NOSTRIN: variants seen among roughly 807,000 people sequenced by gnomAD.
NOSTRIN encodes the protein BM247 homolog.
A neutral mutation model predicts 59.0 loss-of-function variants in NOSTRIN; 63 were observed. The observed-to-expected ratio is 1.07, with a 90% CI of 0.87 to 1.32. The LOEUF (loss-of-function observed/expected upper bound fraction) is 1.32. Ranked by LOEUF, NOSTRIN falls within the 40% of genes most tolerant of loss-of-function variation. NOSTRIN has a pLI of 0.00. For synonymous variants in NOSTRIN, 200 were observed against 165.4 expected (o/e 1.21, Z -1.61); for missense variants, 512 against 473.1 (o/e 1.08, Z -0.76).
At position 168,848,803 on chromosome 2, in the gene NOSTRIN, CGTT is replaced by C. The variant is rs553209979; in HGVS notation, c.631-2277_631-2275del. On this transcript the variant is annotated intron_variant, in intron 8 of 15. Transcript: ENST00000317647. ...ATGCAGAGCGTAGGAAATGAGAAGTCGTTGTTTCATGGGTACGGTTTACTTTTG... is the reference window on the plus strand; with the variant it reads ...ATGCAGAGCGTAGGAAATGAGAAGTCGTTTCATGGGTACGGTTTACTTTTG... 3.9e-4 allele frequency among the ~76,000 whole-genome samples: 60 copies of C among 152,074 alleles called. 1 individual carries two copies. The highest frequency in any genetic ancestry group is 1.1e-3 in the African/African-American group (46 of 41,488).
intron 2 of NOSTRIN, among the ~76,000 whole-genome samples, chr2:168,813,245 G>A (rs1445279918): frequency 1.3e-5 from 2 of 152,190 alleles, no homozygotes; most frequent in African/African-American, 4.8e-5. Flanking sequence ...AAGAATCTAT[G>A]CATGTATCAG....
chr2:168,863,583 C>A (rs1412553793), intron 15 of NOSTRIN: 3 of 984,890 alleles, frequency 3.0e-6, no homozygotes, highest in African/African-American at 1.7e-5. Flanking sequence ...AAAATATTGT[C>A]TCCAAATTGA....
intron 15 of NOSTRIN, 119 bp downstream of exon 15, chr2:168,862,168 T>C (rs1406941641): frequency 2.5e-6 from 2 of 813,976 alleles, no homozygotes; most frequent in Non-Finnish European, 4.0e-6. Flanking sequence ...CAGTTCACCC[T>C]TCTTGAAAGA....
intron 7 of NOSTRIN, among the ~76,000 whole-genome samples, 182 bp downstream of exon 7, chr2:168,834,507 G>GCGCACACACACACACACACA (rs756381301): frequency 1.8e-4 from 22 of 125,422 alleles, no homozygotes; most frequent in Non-Finnish European, 2.8e-4. Context: ...GCGCGCGCGC[G>GCGCACACACACACACACACA]CACACACACA....
chr2:168,809,876 C>T (rs1437470007), intron 1 of NOSTRIN, among the ~76,000 whole-genome samples: 1 of 151,816 alleles, frequency 6.6e-6, no homozygotes, highest in Non-Finnish European at 1.5e-5. Flanking sequence ...ATTATTTTTC[C>T]TTCATGAGAG....
At chr2:168,817,215 A>C (rs567435374) in intron 2 of NOSTRIN, among the ~76,000 whole-genome samples, 52 of 152,344 alleles carry the variant, frequency 3.4e-4, no homozygotes, top group Non-Finnish European at 4.0e-4. Flanking sequence ...GGGTATCCCC[A>C]AGTGGATAGG....
chr2:168,850,769 C>G (rs890227783), intron 8 of NOSTRIN: 1 of 627,718 alleles, frequency 1.6e-6, no homozygotes, highest in East Asian at 3.1e-5. Flanking sequence ...CTGGAATTCT[C>G]TGGAATCCAT....
chr2:168,851,553 T>C, intron 10 of NOSTRIN, 149 bp downstream of exon 10: 1 of 1,247,684 alleles, frequency 8.0e-7, no homozygotes, highest in Non-Finnish European at 1.1e-6. Context: ...CCCAGCATTC[T>C]AGTTTACAAA....
intron 7 of NOSTRIN, 100 bp from the exon 8 acceptor site, chr2:168,842,892 G>A: frequency 1.3e-6 from 1 of 776,874 alleles, no homozygotes; most frequent in South Asian, 1.7e-5. Context: ...CGTGAGAGGT[G>A]AGAAACATAT....
upstream of NOSTRIN, among the ~76,000 whole-genome samples, chr2:168,793,880 T>C (rs1304050777): frequency 6.6e-6 from 1 of 152,202 alleles, no homozygotes; most frequent in Non-Finnish European, 1.5e-5. Context: ...AGCTGATACA[T>C]GCATATCAAG....
chr2:168,799,917 AG>A (rs1685571009), upstream of NOSTRIN, among the ~76,000 whole-genome samples: 1 of 152,186 alleles, frequency 6.6e-6, no homozygotes, highest in Admixed American at 6.5e-5. Flanking sequence ...TGGGACACTA[AG>A]TTCCTCCTAT....
intron 3 of NOSTRIN, among the ~76,000 whole-genome samples, chr2:168,827,820 C>G (rs1687136187): frequency 6.6e-6 from 1 of 151,894 alleles, no homozygotes. Context: ...GTGATCATCC[C>G]ACCTCAGCCT....
intron 7 of NOSTRIN, among the ~76,000 whole-genome samples, chr2:168,838,405 A>T (rs1687864367): frequency 6.6e-6 from 1 of 152,124 alleles, no homozygotes; most frequent in Non-Finnish European, 1.5e-5. Context: ...ACATCTGGCT[A>T]ATTTTTGTAT....
chr2:168,817,746 C>T (rs533648721), intron 2 of NOSTRIN, among the ~76,000 whole-genome samples: 1 of 152,316 alleles, frequency 6.6e-6, no homozygotes, highest in Non-Finnish European at 1.5e-5. Context: ...AGAAGGGCAT[C>T]ATTCAGGTCT....
intron 8 of NOSTRIN, among the ~76,000 whole-genome samples, chr2:168,844,950 A>T (rs150149198): frequency 7.9e-5 from 12 of 152,106 alleles, no homozygotes; most frequent in African/African-American, 2.4e-4. Flanking sequence ...AGCAAAGGCT[A>T]TATGGCAGGC....
intron 6 of NOSTRIN, among the ~76,000 whole-genome samples, chr2:168,832,457 A>G (rs571613439): frequency 6.6e-6 from 1 of 152,312 alleles, no homozygotes; most frequent in East Asian, 1.9e-4. Flanking sequence ...ATCCTTTTTC[A>G]TCTCCAAAGC....
intron 2 of NOSTRIN, among the ~76,000 whole-genome samples, chr2:168,817,223 AG>A (rs1403330939): frequency 2.0e-5 from 3 of 152,220 alleles, no homozygotes; most frequent in Non-Finnish European, 2.9e-5. Context: ...CCAAGTGGAT[AG>A]GCAGTTTTGG....
chr2:168,864,744 T>C, intron 15 of NOSTRIN, 90 bp from the exon 16 acceptor site: 1 of 1,472,286 alleles, frequency 6.8e-7, no homozygotes, highest in Non-Finnish European at 9.3e-7. Flanking sequence ...AGTAAATCCT[T>C]GAAGCAGAAC....
At chr2:168,805,036 A>C (rs1294774374) in intron 1 of NOSTRIN, among the ~76,000 whole-genome samples, 1 of 152,234 alleles carries the variant, frequency 6.6e-6, no homozygotes, top group Non-Finnish European at 1.5e-5. Context: ...TTTTAAAAAT[A>C]CATTCTAAAA....
Sources: allele counts gnomAD v4.1 joint callset (sites outside exome capture counted in the v4.1 genomes callset), GRCh38; gene constraint gnomAD v4.1.1; transcripts MANE v1.5; gene names NCBI Gene and HGNC (gene_info 2026-07-23, HGNC 2026-07-21).